Variants in LARGE1 observed in about 807,000 individuals in gnomAD.
LARGE1 encodes the protein LARGE xylosyl- and glucuronyltransferase 1.
LARGE1 carries 43 observed loss-of-function variants against 87.6 expected under a neutral mutation model. The observed-to-expected ratio is 0.49, with a 90% CI of 0.38 to 0.63. The LOEUF (loss-of-function observed/expected upper bound fraction) is 0.63. LARGE1 is among the 30% of genes least tolerant of loss of function. The pLI, the probability that LARGE1 is intolerant of heterozygous loss-of-function variation, is 0.00. For synonymous variants in LARGE1, 434 were observed against 394.6 expected, an observed-to-expected ratio of 1.10 and a Z score of -1.18; for missense variants, 802 against 1,000.2, an observed-to-expected ratio of 0.80 and a Z score of 2.67.
intron 9 of LARGE1, among the ~76,000 whole-genome samples, chr22:33,378,519 T>G (rs964988154): frequency 8.5e-5 from 13 of 152,242 alleles, no homozygotes; most frequent in African/African-American, 2.9e-4. Context: ...TTATATGTTT[T>G]GCCTGTTGGC....
chr22:33,198,636 GACAC>G (rs71187250), intron 11 of LARGE1, among the ~76,000 whole-genome samples: 59,707 of 137,512 alleles, frequency 0.43, 12,845 homozygotes, highest in Non-Finnish European at 0.49. Context: ...TATACACCGT[GACAC>G]ACACACACAC....
chr22:33,303,816 G>GA lies in LARGE1; in HGVS notation c.1730+412_1730+413insT, dbSNP rs539519746. On this transcript the variant is annotated intron_variant, in intron 12 of 14. Transcript: ENST00000397394. Reference sequence around the variant, plus strand: ...TTTTTGGTATTTTTAGTAGGGGGGGGGTTTCACCATGTTGGCCAGGATGGT... The same window carrying GA: ...TTTTTGGTATTTTTAGTAGGGGGGGGAGTTTCACCATGTTGGCCAGGATGGT... Among the ~76,000 whole-genome samples the GA allele has an allele frequency of 6.4e-4, 97 of 151,126 alleles. 1 individual carries two copies. The highest frequency in any genetic ancestry group is 2.4e-3 in the Admixed American group (36 of 15,216).
intron 6 of LARGE1, among the ~76,000 whole-genome samples, chr22:33,512,637 T>C (rs1434033131): frequency 6.6e-6 from 1 of 151,892 alleles, no homozygotes; most frequent in Non-Finnish European, 1.5e-5. Flanking sequence ...ACCCCATCTC[T>C]ACTAAAATAC....
At chr22:33,876,187 C>T (rs146984405) in intron 1 of LARGE1, among the ~76,000 whole-genome samples, 317 of 152,224 alleles carry the variant, frequency 2.1e-3, no homozygotes, top group African/African-American at 3.9e-3. Context: ...ACCATGAACA[C>T]GGGAACCAGG....
At chr22:33,213,031 A>G (rs1050526576) in intron 11 of LARGE1, among the ~76,000 whole-genome samples, 4 of 152,064 alleles carry the variant, frequency 2.6e-5, no homozygotes, top group Non-Finnish European at 2.9e-5. Context: ...AAAAAAAAAA[A>G]AGAATATTTG....
chr22:33,642,798 A>G (rs138742703), intron 3 of LARGE1, among the ~76,000 whole-genome samples: 3,846 of 151,738 alleles, frequency 0.025, 158 homozygotes, highest in African/African-American at 0.089. Flanking sequence ...ACCAAAAGAG[A>G]CAAAGAAGTG....
chr22:33,550,330 T>C (rs1328358842), intron 6 of LARGE1, among the ~76,000 whole-genome samples: 2 of 152,242 alleles, frequency 1.3e-5, no homozygotes, highest in East Asian at 3.9e-4. Flanking sequence ...CAGTGGGTCA[T>C]TAAGGAAGTG....
At chr22:33,109,690 G>A in the LARGE1 span, among the ~76,000 whole-genome samples, 1 of 152,228 alleles carries the variant, frequency 6.6e-6, no homozygotes, top group African/African-American at 2.4e-5. Context: ...CAATGTTGGA[G>A]GTGGGGCCTA....
intron 11 of LARGE1, among the ~76,000 whole-genome samples, chr22:33,171,400 T>C (rs1922562834): frequency 6.6e-6 from 1 of 152,216 alleles, no homozygotes; most frequent in Non-Finnish European, 1.5e-5. Flanking sequence ...TGAATGTTAA[T>C]AGCCAAGACA....
intron 1 of LARGE1, among the ~76,000 whole-genome samples, chr22:33,878,172 C>T (rs9607088): frequency 3.4e-5 from 2 of 58,046 alleles, no homozygotes; most frequent in African/African-American, 4.3e-5. Context: ...GAGCCTTGCT[C>T]TGTTGCCCAG....
At chr22:33,865,041 A>G (rs2146624065) in intron 1 of LARGE1, among the ~76,000 whole-genome samples, 1 of 152,348 alleles carries the variant, frequency 6.6e-6, no homozygotes, top group South Asian at 2.1e-4. Flanking sequence ...CCCAGCAGAC[A>G]GAACACGTTT....
the LARGE1 span, among the ~76,000 whole-genome samples, chr22:33,097,153 A>T: frequency 6.6e-6 from 1 of 152,238 alleles, no homozygotes; most frequent in African/African-American, 2.4e-5. Flanking sequence ...TGGATGAGAT[A>T]GCCCACGGAG....
At chr22:33,681,013 C>T (rs764728602) in intron 2 of LARGE1, among the ~76,000 whole-genome samples, 35 of 151,538 alleles carry the variant, frequency 2.3e-4, no homozygotes, top group Non-Finnish European at 3.4e-4. Flanking sequence ...TTCTTAATTT[C>T]GCCACTTATT....
the LARGE1 span, among the ~76,000 whole-genome samples, chr22:33,099,059 T>G: frequency 2.6e-5 from 4 of 152,274 alleles, no homozygotes; most frequent in East Asian, 7.7e-4. Context: ...GTTTCTCCCA[T>G]GTGTTAATCA....
At chr22:33,519,711 T>C (rs182095378) in intron 6 of LARGE1, among the ~76,000 whole-genome samples, 21 of 152,148 alleles carry the variant, frequency 1.4e-4, no homozygotes, top group Admixed American at 2.6e-4. Flanking sequence ...AGAGGAAACA[T>C]AGTATTTTAG....
chr22:33,120,410 CCTTCTTTCTTTCTTTCT>C, the LARGE1 span, among the ~76,000 whole-genome samples: 4 of 75,404 alleles, frequency 5.3e-5, no homozygotes, highest in Non-Finnish European at 1.0e-4. Flanking sequence ...TTCTTTCTTT[CCTTCTTTCTTTCTTTCT>C]CTCTCTCTCC....
intron 11 of LARGE1, among the ~76,000 whole-genome samples, chr22:33,209,219 T>C (rs943105236): frequency 7.9e-5 from 12 of 152,356 alleles, no homozygotes; most frequent in Admixed American, 4.6e-4. Flanking sequence ...TTAACAACTA[T>C]GTATTAAGCC....
At chr22:33,698,751 C>A (rs1016871840) in intron 2 of LARGE1, among the ~76,000 whole-genome samples, 1 of 152,194 alleles carries the variant, frequency 6.6e-6, no homozygotes. Context: ...AAGACAAGCA[C>A]ACTCCTGCCA....
At chr22:33,455,248 C>T (rs969195576) in intron 6 of LARGE1, among the ~76,000 whole-genome samples, 3 of 152,150 alleles carry the variant, frequency 2.0e-5, no homozygotes, top group Non-Finnish European at 2.9e-5. Context: ...ATGGCTCACT[C>T]GAAGCAGCAC....
Sources: allele counts gnomAD v4.1 joint callset (sites outside exome capture counted in the v4.1 genomes callset), GRCh38; gene constraint gnomAD v4.1.1; transcripts MANE v1.5; gene names NCBI Gene and HGNC (gene_info 2026-07-23, HGNC 2026-07-21).